PRTFDC1: variants seen among roughly 807,000 people sequenced by gnomAD.
PRTFDC1 encodes phosphoribosyltransferase domain-containing protein 1.
PRTFDC1 carries 38 observed loss-of-function variants against 34.6 expected under a neutral mutation model. The ratio of observed to expected loss-of-function variants is 1.10; its 90% confidence interval spans 0.85 to 1.44. PRTFDC1 has a LOEUF of 1.44. Ranked by LOEUF, PRTFDC1 falls within the 40% of genes most tolerant of loss-of-function variation. The pLI, the probability that PRTFDC1 is intolerant of heterozygous loss-of-function variation, is 0.00. For synonymous variants in PRTFDC1, 93 were observed against 98.1 expected (o/e 0.95, Z 0.31); for missense variants, 270 against 283.0 (o/e 0.95, Z 0.33).
chr10:24,852,453 A>G (rs1244128869), intron 7 of PRTFDC1, among the ~76,000 whole-genome samples: 1 of 152,020 alleles, frequency 6.6e-6, no homozygotes, highest in Non-Finnish European at 1.5e-5. Flanking sequence ...GAACCTGGCT[A>G]TTTTTTGAGA....
intron 3 of PRTFDC1, among the ~76,000 whole-genome samples, chr10:24,910,414 G>A (rs1399490999): frequency 1.3e-5 from 2 of 152,126 alleles, no homozygotes; most frequent in Admixed American, 6.6e-5. Flanking sequence ...CATGTATAAT[G>A]GAGGTAAGGA....
At chr10:24,851,487 A>C (rs1346364640) in intron 7 of PRTFDC1, 23 bp from the exon 8 acceptor site, 1 of 1,587,818 alleles carries the variant, frequency 6.3e-7, no homozygotes, top group South Asian at 1.2e-5. Context: ...AGAAAGAGAA[A>C]AAAAAAAAGG....
intron 8 of PRTFDC1, among the ~76,000 whole-genome samples, chr10:24,850,106 A>C (rs1847458449): frequency 6.6e-6 from 1 of 152,172 alleles, no homozygotes; most frequent in Non-Finnish European, 1.5e-5. Context: ...TCCTATTCTG[A>C]ATCCGGCTCC....
At chr10:24,930,673 A>G (rs544290408) in intron 3 of PRTFDC1, among the ~76,000 whole-genome samples, 2 of 152,212 alleles carry the variant, frequency 1.3e-5, no homozygotes, top group East Asian at 3.9e-4. Context: ...TACTAGATCC[A>G]CCACTTACAT....
intron 3 of PRTFDC1, among the ~76,000 whole-genome samples, chr10:24,921,857 A>G (rs1003760784): frequency 1.7e-4 from 26 of 152,210 alleles, no homozygotes; most frequent in Non-Finnish European, 4.4e-5. Context: ...TACCTGAGTG[A>G]TTAACAATAA....
At chr10:24,887,425 T>C (rs981301958) in intron 3 of PRTFDC1, among the ~76,000 whole-genome samples, 20 of 151,418 alleles carry the variant, frequency 1.3e-4, no homozygotes, top group African/African-American at 4.9e-4. Context: ...GTTCTCATCA[T>C]AGTGAGTTCT....
chr10:24,899,583 A>G (rs142539387), intron 3 of PRTFDC1, among the ~76,000 whole-genome samples: 121 of 152,328 alleles, frequency 7.9e-4, no homozygotes, highest in African/African-American at 2.9e-3. Context: ...ATGGAAATCA[A>G]GCAGAGCATT....
In PRTFDC1 at chr10:24,858,790, G is replaced by A. The variant is rs556038070; in HGVS notation, c.406-381C>T. ...ATGCAACATGAACTGCATTGCTAAT[G>A]GAGACCGTGCTCGGTAAATGCATCA... is the stretch of plus-strand genomic sequence containing the variant. On this transcript the variant is annotated intron_variant, in intron 4 of 8. Coordinates refer to ENST00000320152, the MANE Select transcript of PRTFDC1 (RefSeq NM_020200.7). Among the ~76,000 whole-genome samples, 5 of 152,274 alleles carry A rather than the reference G, an allele frequency of 3.3e-5. No individual in the cohort carries two copies. The South Asian group carries it at 8.3e-4, about 25-fold the overall frequency.
At chr10:24,886,903 C>T (rs1236396352) in intron 3 of PRTFDC1, among the ~76,000 whole-genome samples, 1 of 151,378 alleles carries the variant, frequency 6.6e-6, no homozygotes, top group East Asian at 1.9e-4. Context: ...AGTGCGTATC[C>T]TGCATTTTAC....
intron 3 of PRTFDC1, among the ~76,000 whole-genome samples, chr10:24,922,210 A>G (rs556933460): frequency 6.6e-6 from 1 of 152,374 alleles, no homozygotes; most frequent in African/African-American, 2.4e-5. Context: ...GTTGATAAAA[A>G]TAACCTAACA....
At chr10:24,932,818 A>T (rs12255703) in intron 3 of PRTFDC1, among the ~76,000 whole-genome samples, 26,899 of 152,052 alleles carry the variant, frequency 0.18, 3,419 homozygotes, top group African/African-American at 0.36. Flanking sequence ...GAACAAGAAT[A>T]GCCAAGGCAG....
At chr10:24,894,728 T>C (rs1415921586) in intron 3 of PRTFDC1, among the ~76,000 whole-genome samples, 1 of 152,148 alleles carries the variant, frequency 6.6e-6, no homozygotes, top group Non-Finnish European at 1.5e-5. Context: ...AAAACCACCC[T>C]CCTCCTGGGA....
At chr10:24,880,848 T>TTTCTTTCTTTC (rs1433481672) in intron 3 of PRTFDC1, among the ~76,000 whole-genome samples, 1 of 149,448 alleles carries the variant, frequency 6.7e-6, no homozygotes, top group Non-Finnish European at 1.5e-5. Flanking sequence ...TCTTTCTTTC[T>TTTCTTTCTTTC]TTCTTTCTTT....
At chr10:24,890,570 G>A (rs971291939) in intron 3 of PRTFDC1, among the ~76,000 whole-genome samples, 2 of 152,192 alleles carry the variant, frequency 1.3e-5, no homozygotes, top group African/African-American at 4.8e-5. Flanking sequence ...GAGCATGAGA[G>A]CTTCTGTTTT....
chr10:24,871,887 A>T (rs903420892), intron 4 of PRTFDC1, 111 bp downstream of exon 4: 28 of 869,856 alleles, frequency 3.2e-5, no homozygotes, highest in Admixed American at 2.9e-4. Context: ...ATTTGTATGA[A>T]TTGGAAAACC....
chr10:24,888,027 C>T (rs75911393), intron 3 of PRTFDC1, among the ~76,000 whole-genome samples: 1 of 152,192 alleles, frequency 6.6e-6, no homozygotes, highest in Non-Finnish European at 1.5e-5. Context: ...TCCTGAGTTA[C>T]TGGGAATGAC....
intron 5 of PRTFDC1, 123 bp downstream of exon 5, chr10:24,858,269 G>T: frequency 1.0e-6 from 1 of 968,778 alleles, no homozygotes; most frequent in Non-Finnish European, 1.6e-6. Context: ...ATTAAATTTG[G>T]AGAGCATGCA....
At chr10:24,946,130 C>T (rs1477758779) in intron 1 of PRTFDC1, among the ~76,000 whole-genome samples, 1 of 152,114 alleles carries the variant, frequency 6.6e-6, no homozygotes, top group African/African-American at 2.4e-5. Context: ...CTTCTGAATC[C>T]ATTCCTCCAA....
Position 24,849,621 on chromosome 10 carries a change from T to G in PRTFDC1, c.*223A>C. 2.0e-6 allele frequency: 1 copy of G among 492,720 alleles called. No homozygotes were observed. The allele number at this position is 492,720 out of a possible 1,614,324, so 30.5% of individuals were successfully genotyped here. On this transcript the variant is annotated 3_prime_UTR_variant, in exon 9 of 9. Transcript: ENST00000320152. ...ATTGCTGAGTCACAAGGCGGAGTGT[T>G]TAATTTGGAACAAGTCAAATAAAAG...
Sources: gnomAD v4.1 joint callset for allele counts (sites outside exome capture counted in the v4.1 genomes callset) on GRCh38, gnomAD v4.1.1 for gene constraint, MANE v1.5 for transcripts, NCBI Gene and HGNC (gene_info 2026-07-23, HGNC 2026-07-21) for gene names.